The following CDK6 variants were observed in gnomAD, a reference collection of about 807,000 sequenced individuals.
CDK6 encodes the protein cyclin dependent kinase 6, also known as cyclin-dependent kinase 6.
In CDK6, 6 loss-of-function variants were observed where a neutral mutation model predicts 37.1. That is an observed-to-expected ratio of 0.16 (90% CI 0.09 to 0.32). The LOEUF (loss-of-function observed/expected upper bound fraction) is 0.32. CDK6 is among the 10% of genes least tolerant of loss of function. CDK6 has a pLI of 1.00. For missense variants in CDK6, 224 were observed against 418.9 expected (o/e 0.53, Z 4.06); for synonymous variants, 160 against 161.3 (o/e 0.99, Z 0.06).
intron 4 of CDK6, among the ~76,000 whole-genome samples, chr7:92,720,101 G>C (rs944883115): frequency 6.6e-6 from 1 of 152,150 alleles, no homozygotes; most frequent in Non-Finnish European, 1.5e-5. Flanking sequence ...CATAAAAAAA[G>C]AAAACCAGGA....
intron 3 of CDK6, among the ~76,000 whole-genome samples, chr7:92,733,914 C>T (rs1330811842): frequency 1.3e-5 from 2 of 151,978 alleles, no homozygotes. Context: ...CCCAGGTTGG[C>T]CTCAAATTCC....
intron 2 of CDK6, among the ~76,000 whole-genome samples, chr7:92,831,140 C>T (rs1801468712): frequency 6.6e-6 from 1 of 152,114 alleles, no homozygotes; most frequent in South Asian, 2.1e-4. Flanking sequence ...ATAAGAATAT[C>T]CTCCTGAAAT....
chr7:92,672,216 C>CAG (rs1393493018), intron 4 of CDK6, among the ~76,000 whole-genome samples: 1 of 139,394 alleles, frequency 7.2e-6, no homozygotes, highest in Admixed American at 7.1e-5. Context: ...CACACACACA[C>CAG]ACACACACAC....
chr7:92,813,170 TG>T (rs1800932628), intron 2 of CDK6, among the ~76,000 whole-genome samples: 1 of 152,224 alleles, frequency 6.6e-6, no homozygotes, highest in Admixed American at 6.5e-5. Flanking sequence ...TTAAGGACCC[TG>T]AAGTCCTTTA....
intron 7 of CDK6, among the ~76,000 whole-genome samples, chr7:92,616,230 C>G (rs775454649): frequency 2.0e-5 from 3 of 152,128 alleles, no homozygotes; most frequent in African/African-American, 4.8e-5. Context: ...AATGGAAGAC[C>G]TCTTCCACTT....
At chr7:92,826,667 T>C (rs1801322699) in intron 2 of CDK6, among the ~76,000 whole-genome samples, 1 of 152,124 alleles carries the variant, frequency 6.6e-6, no homozygotes, top group South Asian at 2.1e-4. Flanking sequence ...AAAAAATGCA[T>C]AGTCAGGAAA....
At chr7:92,781,689 C>A (rs1168137637) in intron 2 of CDK6, among the ~76,000 whole-genome samples, 1 of 151,900 alleles carries the variant, frequency 6.6e-6, no homozygotes, top group South Asian at 2.1e-4. Flanking sequence ...ACTTTTTTTT[C>A]CCCCATTCTC....
Position 92,609,701 on chromosome 7 carries a change from A to C in CDK6, c.*5439T>G, listed in dbSNP as rs1795519196. 4.3e-6 allele frequency: 1 copy of C among 231,168 alleles called. No individual in the cohort carries two copies. The highest frequency in any genetic ancestry group is 8.6e-6 in the Non-Finnish European group (1 of 116,880). The allele number at this position is 231,168 out of a possible 1,614,324, so 14.3% of individuals were successfully genotyped here. On this transcript the variant is annotated 3_prime_UTR_variant, in exon 8 of 8. Transcript: ENST00000424848. The stretch of plus-strand genomic sequence containing the variant: ...ATGTGTGTTTTAACTGGGGCCACTA[A>C]AGGAGTTTTATACTTCTAACGAAAC...
At chr7:92,686,278 C>T (rs1797451558) in intron 4 of CDK6, among the ~76,000 whole-genome samples, 2 of 152,112 alleles carry the variant, frequency 1.3e-5, no homozygotes, top group Admixed American at 1.3e-4. Flanking sequence ...TTATCTCTCA[C>T]CCTCCTCCCG....
chr7:92,745,688 T>G (rs1471715986), intron 3 of CDK6, among the ~76,000 whole-genome samples: 1 of 152,210 alleles, frequency 6.6e-6, no homozygotes, highest in Non-Finnish European at 1.5e-5. Flanking sequence ...TATTTGAGTT[T>G]GAAAATAACT....
At chr7:92,752,344 T>C (rs1229492989) in intron 3 of CDK6, among the ~76,000 whole-genome samples, 1 of 152,116 alleles carries the variant, frequency 6.6e-6, no homozygotes, top group Admixed American at 6.6e-5. Context: ...TTCATGAAAA[T>C]AGTCATGTTA....
chr7:92,701,658 GC>G (rs1396689132), intron 4 of CDK6: 1 of 152,364 alleles, frequency 6.6e-6, no homozygotes, highest in East Asian at 1.9e-4. Flanking sequence ...GCCCGCCTGG[GC>G]CTCCCAAAGT....
intron 4 of CDK6, among the ~76,000 whole-genome samples, chr7:92,671,752 A>G (rs1797075356): frequency 1.3e-5 from 2 of 152,168 alleles, no homozygotes; most frequent in South Asian, 2.1e-4. Context: ...CTCCAACTCT[A>G]TGTCTAACTA....
At chr7:92,642,651 C>T (rs1796337924) in intron 5 of CDK6, among the ~76,000 whole-genome samples, 1 of 152,074 alleles carries the variant, frequency 6.6e-6, no homozygotes, top group Non-Finnish European at 1.5e-5. Flanking sequence ...AAGTGAAGTG[C>T]TTTATACATA....
chr7:92,615,705 G>A (rs1311407586), intron 7 of CDK6, among the ~76,000 whole-genome samples: 4 of 152,194 alleles, frequency 2.6e-5, no homozygotes, highest in African/African-American at 9.7e-5. Context: ...GCTAGCAGTA[G>A]CTCTCTCAGG....
At chr7:92,736,487 C>G (rs1798790073) in intron 3 of CDK6, among the ~76,000 whole-genome samples, 1 of 152,100 alleles carries the variant, frequency 6.6e-6, no homozygotes, top group Non-Finnish European at 1.5e-5. Context: ...GAGTAAGCAC[C>G]AAGGAGGGAG....
chr7:92,820,037 C>T lies in CDK6; in HGVS notation c.233+13054G>A, dbSNP rs565524858. Among the ~76,000 whole-genome samples the T allele has an allele frequency of 3.3e-5, 5 of 151,910 alleles. No individual in the cohort carries two copies. In the South Asian group the frequency reaches 6.2e-4, roughly 19 times the overall value. ...GCACTTAGAAAGATTCCACAGAATG[C>T]CCAGCAAATTAAATGGTGGCGGGAA... On this transcript the variant is annotated intron_variant, in intron 2 of 7. Transcript: ENST00000424848.
rs144454734 is a variant in CDK6, at chr7:92,702,272, G to A, written c.537+23354C>T. 8.7e-5 allele frequency among the ~76,000 whole-genome samples: 9 copies of A among 103,074 alleles called. No individual in the cohort carries two copies. In the East Asian group the frequency reaches 9.6e-4, roughly 11 times the overall value. 67.6% of individuals were successfully genotyped at this position (103,074 alleles called of 152,430 possible). A position where few individuals can be genotyped will look rare whatever the true frequency, so the allele number is the denominator to read the frequency against. The stretch of plus-strand genomic sequence containing the variant: ...TTTTGAGACAGAGTCTTACTCTGTC[G>A]CCCAGGCTGGAGTGCAGTGGCATGA... On this transcript the variant is annotated intron_variant, in intron 4 of 7. Coordinates refer to ENST00000424848, the MANE Select transcript of CDK6 (RefSeq NM_001145306.2).
intron 2 of CDK6, among the ~76,000 whole-genome samples, chr7:92,816,847 C>A (rs1420830754): frequency 6.6e-6 from 1 of 151,742 alleles, no homozygotes; most frequent in South Asian, 2.1e-4. Flanking sequence ...ATGCAAATTA[C>A]CAATATCAGG....
Sources: gnomAD v4.1 joint callset for allele counts (sites outside exome capture counted in the v4.1 genomes callset) on GRCh38, gnomAD v4.1.1 for gene constraint, MANE v1.5 for transcripts, NCBI Gene and HGNC (gene_info 2026-07-23, HGNC 2026-07-21) for gene names.